The following ZBTB7C variants were observed in gnomAD, a reference collection of about 807,000 sequenced individuals.
The protein encoded by ZBTB7C is zinc finger and BTB domain-containing protein 7C.
Under a neutral mutation model 25.7 loss-of-function variants are expected in ZBTB7C, and 8 were observed. The ratio of observed to expected loss-of-function variants is 0.31; its 90% CI spans 0.18 to 0.56. The LOEUF (loss-of-function observed/expected upper bound fraction) is 0.56. ZBTB7C is among the 20% of genes least tolerant of loss of function. ZBTB7C has a pLI of 0.91. For synonymous variants in ZBTB7C, 394 were observed against 369.0 expected (o/e 1.07, Z -0.78); for missense variants, 824 against 855.2 (o/e 0.96, Z 0.46).
chr18:48,122,892 C>T (rs1296277168), intron 3 of ZBTB7C, among the ~76,000 whole-genome samples: 3 of 152,222 alleles, frequency 2.0e-5, no homozygotes, highest in Non-Finnish European at 4.4e-5. Context: ...TGCTTATGTA[C>T]TGCATGCACT....
intron 3 of ZBTB7C, among the ~76,000 whole-genome samples, chr18:48,097,656 C>A (rs1404317289): frequency 2.0e-5 from 3 of 152,166 alleles, no homozygotes; most frequent in Admixed American, 1.3e-4. Context: ...CTTGGCCTCC[C>A]AAAGTGCTGG....
At chr18:48,150,530 C>A (rs921359352) in intron 3 of ZBTB7C, 4 of 146,506 alleles carry the variant, frequency 2.7e-5, no homozygotes, top group African/African-American at 7.7e-5. Flanking sequence ...TGCAGTGAGC[C>A]GAGATTGTGC....
At chr18:48,408,895 C>T (rs1302660361) in intron 1 of ZBTB7C, among the ~76,000 whole-genome samples, 2 of 151,440 alleles carry the variant, frequency 1.3e-5, no homozygotes, top group South Asian at 2.1e-4. Context: ...CTCGCTGGCT[C>T]GCTCTCCGCT....
At chr18:48,326,789 G>A (rs948419093) in intron 2 of ZBTB7C, among the ~76,000 whole-genome samples, 5 of 152,222 alleles carry the variant, frequency 3.3e-5, no homozygotes, top group Admixed American at 1.3e-4. Context: ...ACACTATGGG[G>A]ACAACAGGGG....
intron 3 of ZBTB7C, among the ~76,000 whole-genome samples, chr18:48,051,801 G>A (rs1016954029): frequency 2.0e-5 from 3 of 152,178 alleles, no homozygotes; most frequent in Non-Finnish European, 4.4e-5. Context: ...CAATGGAGAG[G>A]AGTGCCACCG....
At chr18:48,213,050 C>T (rs2042739443) in intron 2 of ZBTB7C, among the ~76,000 whole-genome samples, 1 of 152,186 alleles carries the variant, frequency 6.6e-6, no homozygotes, top group Non-Finnish European at 1.5e-5. Context: ...TTTTGCAGCT[C>T]CCCCAGCTTA....
chr18:48,142,411 G>A (rs1279331883), intron 3 of ZBTB7C, among the ~76,000 whole-genome samples: 2 of 152,202 alleles, frequency 1.3e-5, no homozygotes, highest in East Asian at 1.9e-4. Context: ...GCCAAGCACA[G>A]GGTGCTGGGT....
chr18:48,184,935 TACA>T (rs1206486338), intron 3 of ZBTB7C, among the ~76,000 whole-genome samples: 1 of 152,150 alleles, frequency 6.6e-6, no homozygotes, highest in Non-Finnish European at 1.5e-5. Context: ...TGATCTCAAA[TACA>T]ACCTCAAGTT....
At chr18:48,207,939 T>C (rs2042617595) in intron 2 of ZBTB7C, among the ~76,000 whole-genome samples, 2 of 151,806 alleles carry the variant, frequency 1.3e-5, no homozygotes, top group African/African-American at 2.4e-5. Context: ...TTCTAGAAGA[T>C]GATCATGGCA....
chr18:48,042,065 C>T (rs939878629), intron 3 of ZBTB7C, among the ~76,000 whole-genome samples: 1 of 152,218 alleles, frequency 6.6e-6, no homozygotes, highest in Non-Finnish European at 1.5e-5. Context: ...TCAGGAAGCA[C>T]AGCTCACAGC....
intron 3 of ZBTB7C, among the ~76,000 whole-genome samples, chr18:48,058,194 A>G (rs1253204685): frequency 6.6e-6 from 1 of 152,170 alleles, no homozygotes; most frequent in Non-Finnish European, 1.5e-5. Flanking sequence ...ATAGTAACTC[A>G]TTTGTTATTT....
chr18:48,029,205 G>A lies in ZBTB7C; in HGVS notation c.*55C>T. ...CAGATCCATGGGGTAGGGTAGAGTG[G>A]GCCTGGAGGGAGAAGGACTGGAGGG... is the stretch of plus-strand genomic sequence containing the variant. On this transcript the variant is annotated 3_prime_UTR_variant, in exon 5 of 5. Coordinates refer to ENST00000590800, the MANE Select transcript of ZBTB7C (RefSeq NM_001318841.2). 3 of 1,497,196 alleles carry A rather than the reference G, an allele frequency of 2.0e-6. No individual in the cohort carries two copies. Among genetic ancestry groups the A allele is most frequent in the Non-Finnish European group, 2.6e-6 (3 of 1,134,402 alleles). The allele number at this position is 1,497,196 out of a possible 1,614,324, so 92.7% of individuals were successfully genotyped here.
chr18:48,247,505 TTG>T (rs1599183240), intron 2 of ZBTB7C, among the ~76,000 whole-genome samples: 1 of 152,194 alleles, frequency 6.6e-6, no homozygotes, highest in Non-Finnish European at 1.5e-5. Context: ...CCTCTCAACT[TTG>T]TGGCTTCCCA....
At chr18:48,147,401 T>C (rs1004343665) in intron 3 of ZBTB7C, among the ~76,000 whole-genome samples, 12 of 152,292 alleles carry the variant, frequency 7.9e-5, no homozygotes, top group African/African-American at 2.6e-4. Flanking sequence ...TTTTAAACTA[T>C]ACCACTGAAC....
intron 2 of ZBTB7C, among the ~76,000 whole-genome samples, chr18:48,247,982 G>A (rs773553901): frequency 2.0e-5 from 3 of 152,120 alleles, no homozygotes; most frequent in African/African-American, 7.2e-5. Flanking sequence ...TGGTTCCCTC[G>A]TACTGTTCTT....
chr18:48,220,231 T>G (rs1191607476), intron 2 of ZBTB7C, among the ~76,000 whole-genome samples: 1 of 152,120 alleles, frequency 6.6e-6, no homozygotes, highest in African/African-American at 2.4e-5. Flanking sequence ...CATAGTGCAG[T>G]TGAGATCCTA....
At chr18:48,391,255 A>G (rs1251948587) in intron 1 of ZBTB7C, among the ~76,000 whole-genome samples, 1 of 152,224 alleles carries the variant, frequency 6.6e-6, no homozygotes, top group Non-Finnish European at 1.5e-5. Context: ...TGAAGTGCTG[A>G]GCTTGGCTCT....
In ZBTB7C at chr18:48,380,796, G is replaced by C. The variant is rs561683214; in HGVS notation, c.-304+28430C>G. On this transcript the variant is annotated intron_variant, in intron 1 of 4. Transcript: ENST00000590800. The stretch of plus-strand genomic sequence containing the variant: ...ATGATAACATACCAATATTTGTTGT[G>C]ACCGATGTACCATACTAATATAAGA... Among the ~76,000 whole-genome samples, 89 of 152,310 alleles carry C rather than the reference G, an allele frequency of 5.8e-4. No homozygotes were observed. The Middle Eastern group carries it at 0.01, about 17-fold the overall frequency.
At chr18:48,318,551 C>T (rs949202) in intron 2 of ZBTB7C, among the ~76,000 whole-genome samples, 43,022 of 152,146 alleles carry the variant, frequency 0.28, 6,968 homozygotes, top group East Asian at 0.7. Flanking sequence ...CTGCGGCCCA[C>T]GTCCTCCCTC....
Sources: gnomAD v4.1 joint callset for allele counts (sites outside exome capture counted in the v4.1 genomes callset) on GRCh38, gnomAD v4.1.1 for gene constraint, MANE v1.5 for transcripts, NCBI Gene and HGNC (gene_info 2026-07-23, HGNC 2026-07-21) for gene names.